Variants in WDR70 observed in about 807,000 individuals in gnomAD.
WDR70 encodes WD repeat-containing protein 70.
A neutral mutation model predicts 88.6 loss-of-function variants in WDR70; 53 were observed. The ratio of observed to expected loss-of-function variants is 0.60; its 90% CI spans 0.48 to 0.75. The LOEUF (loss-of-function observed/expected upper bound fraction) is 0.75. Ranked by LOEUF, WDR70 falls within the 30% of genes least tolerant of loss-of-function variation. The pLI is 0.00. For synonymous variants in WDR70, 280 were observed against 270.0 expected (o/e 1.04, Z -0.36); for missense variants, 610 against 823.2 (o/e 0.74, Z 3.17).
At chr5:37,447,951 A>AG (rs1340679323) in intron 7 of WDR70, among the ~76,000 whole-genome samples, 1 of 152,138 alleles carries the variant, frequency 6.6e-6, no homozygotes, top group East Asian at 1.9e-4. Flanking sequence ...AAAGAAAAAA[A>AG]GAAAAACTTT....
At chr5:37,417,016 T>G (rs1366997756) in intron 5 of WDR70, among the ~76,000 whole-genome samples, 1 of 152,224 alleles carries the variant, frequency 6.6e-6, no homozygotes, top group Non-Finnish European at 1.5e-5. Context: ...GGGTTGTTTC[T>G]GCCTCTGAGC....
intron 8 of WDR70, chr5:37,505,629 A>G (rs1298364848): frequency 2.6e-6 from 2 of 764,322 alleles, no homozygotes; most frequent in African/African-American, 1.7e-5. Flanking sequence ...GGGTGGAGAA[A>G]GAAAAGTGAT....
At chr5:37,539,823 C>A (rs1359586254) in intron 9 of WDR70, among the ~76,000 whole-genome samples, 1 of 152,192 alleles carries the variant, frequency 6.6e-6, no homozygotes, top group African/African-American at 2.4e-5. Flanking sequence ...ATAAATATTA[C>A]AGCACAGGAA....
intron 8 of WDR70, among the ~76,000 whole-genome samples, chr5:37,510,803 T>C (rs1740700497): frequency 6.6e-6 from 1 of 152,242 alleles, no homozygotes; most frequent in African/African-American, 2.4e-5. Flanking sequence ...TCTTTATTTT[T>C]CCTTGACATT....
Position 37,752,740 on chromosome 5 carries a change from T to C in WDR70, c.*167T>C. On this transcript the variant is annotated 3_prime_UTR_variant, in exon 18 of 18. Coordinates refer to ENST00000265107, the MANE Select transcript of WDR70 (RefSeq NM_018034.4). ...TGGCTAGGCTTCACTAAAATTGTGC[T>C]TAAATTTTCTTACCTGCAACTATTA... 3.6e-6 allele frequency: 2 copies of C among 559,004 alleles called. No homozygotes were observed. Among genetic ancestry groups the C allele is most frequent in the Non-Finnish European group, 6.3e-6 (2 of 319,058 alleles). The allele number at this position is 559,004 out of a possible 1,614,324, so 34.6% of individuals were successfully genotyped here.
chr5:37,690,101 A>G (rs961507649), intron 10 of WDR70, among the ~76,000 whole-genome samples: 2 of 152,220 alleles, frequency 1.3e-5, no homozygotes, highest in Non-Finnish European at 2.9e-5. Flanking sequence ...CAAGTGGAAG[A>G]AAGGGTATCA....
chr5:37,709,466 A>G (rs1747450030), intron 13 of WDR70, among the ~76,000 whole-genome samples: 1 of 152,224 alleles, frequency 6.6e-6, no homozygotes, highest in South Asian at 2.1e-4. Context: ...TACCTAACAT[A>G]GGTGTGTGGA....
intron 13 of WDR70, among the ~76,000 whole-genome samples, chr5:37,709,160 A>G (rs1029528660): frequency 4.6e-5 from 7 of 152,242 alleles, no homozygotes; most frequent in African/African-American, 1.4e-4. Flanking sequence ...TCTAAAATAT[A>G]GTGAAACCTC....
At chr5:37,437,783 TTTTTGCTG>T in intron 5 of WDR70, 131 bp from the exon 6 acceptor site, 1 of 710,846 alleles carries the variant, frequency 1.4e-6, no homozygotes. Flanking sequence ...CTCTCACACT[TTTTTGCTG>T]TTTTTTTAAG....
chr5:37,748,363 AAGGATCTCCTATTC>A, intron 17 of WDR70, among the ~76,000 whole-genome samples: 1 of 152,344 alleles, frequency 6.6e-6, no homozygotes, highest in Non-Finnish European at 1.5e-5. Context: ...GCAATGGGGA[AAGGATCTCCTATTC>A]AGTAAATGGT....
At chr5:37,425,393 G>A (rs1750092473) in intron 5 of WDR70, among the ~76,000 whole-genome samples, 1 of 152,202 alleles carries the variant, frequency 6.6e-6, no homozygotes, top group South Asian at 2.1e-4. Flanking sequence ...GTCAAGTTAG[G>A]CCTCCTTCAG....
chr5:37,715,856 T>C (rs1747639602), intron 13 of WDR70, among the ~76,000 whole-genome samples: 1 of 152,158 alleles, frequency 6.6e-6, no homozygotes, highest in Admixed American at 6.6e-5. Context: ...TTTCTTTTTA[T>C]TTGTTTTGGG....
chr5:37,560,769 G>C (rs547698942), intron 9 of WDR70, among the ~76,000 whole-genome samples: 1 of 149,736 alleles, frequency 6.7e-6, no homozygotes, highest in Admixed American at 6.6e-5. Context: ...TTAGCTATTC[G>C]TCATTTATTT....
At chr5:37,477,044 C>G (rs1470986678) in intron 7 of WDR70, among the ~76,000 whole-genome samples, 2 of 152,220 alleles carry the variant, frequency 1.3e-5, no homozygotes, top group Non-Finnish European at 2.9e-5. Context: ...CAAGTGTCCT[C>G]TGTACTTTTA....
rs1182276743 is a variant in WDR70, at chr5:37,722,870, T to C, written c.1533T>C (p.Cys511=). 8.1e-6 allele frequency: 13 copies of C among 1,613,474 alleles called. No individual in the cohort carries two copies. The highest frequency in any genetic ancestry group is 1.1e-5 in the Non-Finnish European group (13 of 1,179,654). The change falls in exon 15 of 18, where the codon TGT becomes TGC. Residue 511 remains cysteine, a synonymous_variant. Coordinates refer to ENST00000265107, the MANE Select transcript of WDR70 (RefSeq NM_018034.4). ...PNKSQRGAKL[C]VVKTQRKAKQ... is the part of the protein sequence containing the mutation. The stretch of plus-strand genomic sequence containing the variant: ...CACCCGTTAGGGGAGCAAAATTATG[T>C]GTGGTTAAAACCCAGCGGAAGGCAA...
chr5:37,610,476 T>C (rs1018718602), intron 10 of WDR70, among the ~76,000 whole-genome samples: 2 of 152,078 alleles, frequency 1.3e-5, no homozygotes, highest in African/African-American at 2.4e-5. Flanking sequence ...TATTTTATTC[T>C]GTGCCACTCC....
rs1447953614 is a variant in WDR70, at chr5:37,585,105, C to T, written c.918-19959C>T. ...TCCCAGGTTCAAGTGATTCTCCTGCCTCAACCTCCTAAATAGCTGGGATTA... is the reference window on the plus strand; with the variant it reads ...TCCCAGGTTCAAGTGATTCTCCTGCTTCAACCTCCTAAATAGCTGGGATTA... On this transcript the variant is annotated intron_variant, in intron 9 of 17. Coordinates refer to ENST00000265107, the MANE Select transcript of WDR70 (RefSeq NM_018034.4). 2.0e-5 allele frequency among the ~76,000 whole-genome samples: 3 copies of T among 151,444 alleles called. No individual in the cohort carries two copies. The East Asian group carries it at 5.8e-4, about 29-fold the overall frequency.
intron 10 of WDR70, among the ~76,000 whole-genome samples, chr5:37,656,539 G>A (rs184262181): frequency 6.6e-4 from 100 of 152,248 alleles, no homozygotes; most frequent in African/African-American, 2.3e-3. Context: ...CTGAAGCTGC[G>A]CCCACAGCTG....
intron 10 of WDR70, among the ~76,000 whole-genome samples, chr5:37,650,800 C>G (rs55742744): frequency 6.6e-6 from 1 of 151,550 alleles, no homozygotes; most frequent in African/African-American, 2.4e-5. Flanking sequence ...TGCTCCTTTA[C>G]ATACTCTCCG....
Sources: gnomAD v4.1 joint callset for allele counts (sites outside exome capture counted in the v4.1 genomes callset) on GRCh38, gnomAD v4.1.1 for gene constraint, MANE v1.5 for transcripts, NCBI Gene and HGNC (gene_info 2026-07-23, HGNC 2026-07-21) for gene names.